Variants in RAD54L2 observed in about 807,000 individuals in gnomAD.
RAD54L2 encodes RAD54 like 2, also known as helicase ARIP4.
Under a neutral mutation model 138.4 loss-of-function variants are expected in RAD54L2, and 27 were observed. The observed-to-expected ratio is 0.20, with a 90% CI of 0.14 to 0.27. The LOEUF (loss-of-function observed/expected upper bound fraction) is 0.27, where lower values mean the gene tolerates loss of function less well. RAD54L2 is among the 10% of genes least tolerant of loss of function. RAD54L2 has a pLI of 1.00. For missense variants in RAD54L2, 1,396 were observed against 1,890.2 expected, an observed-to-expected ratio of 0.74 and a Z score of 4.85; for synonymous variants, 644 against 723.2, an observed-to-expected ratio of 0.89 and a Z score of 1.76.
chr3:51,610,121 G>A (rs1179956793), intron 3 of RAD54L2, among the ~76,000 whole-genome samples: 5 of 151,640 alleles, frequency 3.3e-5, no homozygotes, highest in Admixed American at 2.6e-4. Flanking sequence ...GGGCAACAGA[G>A]CGAGACTCCA....
chr3:51,546,037 C>G (rs1238216601), intron 2 of RAD54L2, among the ~76,000 whole-genome samples: 1 of 143,838 alleles, frequency 7.0e-6, no homozygotes, highest in African/African-American at 2.6e-5. Flanking sequence ...CTCCTGGGTT[C>G]AAGTGATTCT....
At chr3:51,652,944 TAA>T (rs1436324277) in intron 19 of RAD54L2, among the ~76,000 whole-genome samples, 10 of 152,076 alleles carry the variant, frequency 6.6e-5, no homozygotes, top group Non-Finnish European at 1.3e-4. Flanking sequence ...CTAATTAAAC[TAA>T]AGAGATTCTG....
At chr3:51,547,653 C>T (rs1698730143) in intron 2 of RAD54L2, among the ~76,000 whole-genome samples, 3 of 150,910 alleles carry the variant, frequency 2.0e-5, no homozygotes, top group African/African-American at 7.3e-5. Flanking sequence ...ATGATCTCAG[C>T]TCACTGCAGC....
intron 3 of RAD54L2, among the ~76,000 whole-genome samples, chr3:51,590,830 G>A (rs1296699367): frequency 6.6e-6 from 1 of 152,200 alleles, no homozygotes; most frequent in East Asian, 1.9e-4. Context: ...AGATTCGAGT[G>A]TTGCATACTT....
At chr3:51,573,561 A>T (rs1699391166) in intron 2 of RAD54L2, among the ~76,000 whole-genome samples, 1 of 151,968 alleles carries the variant, frequency 6.6e-6, no homozygotes, top group Non-Finnish European at 1.5e-5. Context: ...CTCAGCCTCC[A>T]AATAGCTGGG....
Position 51,663,229 on chromosome 3 carries a change from T to G in RAD54L2, c.4213T>G (p.Leu1405Val). Reference sequence around the variant, plus strand: ...GTTTGCGCCTTTTCCTTCCCCTGTCTTGCCCAGCAACCTTTCGCGGGGCAT... The same window carrying G: ...GTTTGCGCCTTTTCCTTCCCCTGTCGTGCCCAGCAACCTTTCGCGGGGCAT... ...RMFAPFPSPVLPSNLSRGMSI... is the reference protein window; with the variant it reads ...RMFAPFPSPVVPSNLSRGMSI... Residue 1405 changes from leucine (L) to valine (V), a missense_variant, in exon 23 of 23, where the codon TTG becomes GTG. Leu to Val is a conservative substitution (Grantham distance 32). This residue lies in a region of RAD54L2 where 634 missense variants were observed against 711.2 expected (regional missense o/e 0.89). Transcript: ENST00000684192. 6.2e-7 allele frequency: 1 copy of G among 1,613,990 alleles called. No homozygotes were observed. The highest frequency in any genetic ancestry group is 8.5e-7 in the Non-Finnish European group (1 of 1,179,870).
chr3:51,579,954 A>G (rs973526838), intron 2 of RAD54L2, among the ~76,000 whole-genome samples: 1 of 152,148 alleles, frequency 6.6e-6, no homozygotes, highest in Non-Finnish European at 1.5e-5. Context: ...TCACTTCTCC[A>G]AACAGCACCA....
At chr3:51,546,642 A>G (rs1345046451) in intron 2 of RAD54L2, among the ~76,000 whole-genome samples, 6 of 151,936 alleles carry the variant, frequency 3.9e-5, no homozygotes, top group Non-Finnish European at 8.8e-5. Context: ...CTGCGTCTCA[A>G]AAACAAAAAA....
intron 6 of RAD54L2, 114 bp from the exon 7 acceptor site, chr3:51,630,591 A>T: frequency 9.6e-7 from 1 of 1,037,010 alleles, no homozygotes. Context: ...TCAAAATTTT[A>T]ATAAGTGTTG....
At chr3:51,615,152 T>C (rs1193565130) in intron 3 of RAD54L2, among the ~76,000 whole-genome samples, 2 of 152,186 alleles carry the variant, frequency 1.3e-5, no homozygotes, top group Non-Finnish European at 2.9e-5. Flanking sequence ...TAGCTGGGAT[T>C]ACAGGCACCC....
In RAD54L2 at chr3:51,549,036, A is replaced by G. The variant is rs1181395025; in HGVS notation, c.-55+7386A>G. Among the ~76,000 whole-genome samples the G allele has an allele frequency of 2.6e-5, 4 of 152,058 alleles. No individual in the cohort carries two copies. The East Asian group carries it at 7.7e-4, about 29-fold the overall frequency. ...GAGACACAGTCTTGCTCAGCTGCCC[A>G]GGCTGGAGTGCAATGGTGCGATCTT... On this transcript the variant is annotated intron_variant, in intron 2 of 22. Coordinates refer to ENST00000684192, the MANE Select transcript of RAD54L2 (RefSeq NM_015106.4).
intron 4 of RAD54L2, among the ~76,000 whole-genome samples, chr3:51,628,772 G>A (rs1280355715): frequency 1.3e-5 from 2 of 151,978 alleles, no homozygotes; most frequent in East Asian, 3.9e-4. Flanking sequence ...CTGGAGTACA[G>A]TGGTGCAGTC....
chr3:51,640,089 C>T, intron 14 of RAD54L2, 90 bp downstream of exon 14: 1 of 902,590 alleles, frequency 1.1e-6, no homozygotes, highest in Non-Finnish European at 1.7e-6. Context: ...ACCCCCGCCT[C>T]CCCCAAGTGC....
At chr3:51,604,372 T>C (rs778530940) in intron 3 of RAD54L2, among the ~76,000 whole-genome samples, 1 of 152,228 alleles carries the variant, frequency 6.6e-6, no homozygotes, top group Non-Finnish European at 1.5e-5. Context: ...TCTAGGACTT[T>C]GCATTGCATT....
chr3:51,572,980 A>G (rs1407575018), intron 2 of RAD54L2, among the ~76,000 whole-genome samples: 1 of 152,054 alleles, frequency 6.6e-6, no homozygotes, highest in Non-Finnish European at 1.5e-5. Context: ...CTACAATGCT[A>G]AGATATGTGT....
chr3:51,644,867 A>G (rs893736699), intron 16 of RAD54L2, among the ~76,000 whole-genome samples, 157 bp from the exon 17 acceptor site: 9 of 152,206 alleles, frequency 5.9e-5, no homozygotes, highest in Non-Finnish European at 1.0e-4. Context: ...TGCTTGAGGA[A>G]TGTACTGTTT....
intron 7 of RAD54L2, among the ~76,000 whole-genome samples, chr3:51,631,702 A>T (rs2106798979): frequency 1.3e-5 from 2 of 151,662 alleles, no homozygotes; most frequent in South Asian, 4.2e-4. Context: ...GAGTGCAGTG[A>T]TCACGACTCA....
chr3:51,555,224 G>T (rs1451747365), intron 2 of RAD54L2, among the ~76,000 whole-genome samples: 1 of 152,076 alleles, frequency 6.6e-6, no homozygotes, highest in East Asian at 1.9e-4. Context: ...GATATGTAAA[G>T]CCTCTCCCCT....
intron 2 of RAD54L2, among the ~76,000 whole-genome samples, chr3:51,544,893 G>A (rs1464269122): frequency 3.3e-5 from 5 of 152,116 alleles, no homozygotes; most frequent in African/African-American, 4.8e-5. Flanking sequence ...GAACCACTGC[G>A]CCTGGCCTGG....
Sources: gnomAD v4.1 joint callset for allele counts (sites outside exome capture counted in the v4.1 genomes callset) on GRCh38, gnomAD v4.1.1 for gene constraint, gnomAD v4.1.1 regional missense constraint, MANE v1.5 for transcripts, NCBI Gene and HGNC (gene_info 2026-07-23, HGNC 2026-07-21) for gene names.